NCOA6: variants seen among roughly 807,000 people sequenced by gnomAD.
NCOA6 encodes the protein NRC RAP250.
A neutral mutation model predicts 171.4 loss-of-function variants in NCOA6; 49 were observed. That is an observed-to-expected ratio of 0.29 (90% CI 0.23 to 0.36). NCOA6 has a LOEUF of 0.36. Among genes scored for constraint, NCOA6 ranks in the 10% least tolerant of loss-of-function variants. The probability of loss-of-function intolerance (pLI) is 1.00; values close to 1 mark genes in which losing one functional copy is unlikely to be tolerated. For synonymous variants in NCOA6, 910 were observed against 927.5 expected (o/e 0.98, Z 0.34); for missense variants, 2,248 against 2,554.5 (o/e 0.88, Z 2.59).
intron 10 of NCOA6, 145 bp downstream of exon 10, chr20:34,746,662 G>T: frequency 1.0e-6 from 1 of 963,906 alleles, no homozygotes; most frequent in Non-Finnish European, 1.4e-6. Flanking sequence ...TCAAGGCAAA[G>T]CTTCCAAATA....
At chr20:34,816,971 A>C (rs1259890853) in intron 1 of NCOA6, among the ~76,000 whole-genome samples, 2 of 151,014 alleles carry the variant, frequency 1.3e-5, no homozygotes, top group Non-Finnish European at 2.9e-5. Context: ...AACTACAAAA[A>C]AATTAGCTGG....
At chr20:34,784,574 G>A (rs562028151) in intron 2 of NCOA6, among the ~76,000 whole-genome samples, 32 of 151,872 alleles carry the variant, frequency 2.1e-4, no homozygotes, top group Admixed American at 1.6e-3. Context: ...TGAGGGCAGC[G>A]ATTTAAGACC....
chr20:34,774,110 G>T (rs974336462), intron 4 of NCOA6, among the ~76,000 whole-genome samples: 7 of 152,166 alleles, frequency 4.6e-5, no homozygotes, highest in African/African-American at 1.2e-4. Context: ...ATTGTTTTAG[G>T]AAGTAGGTCT....
rs1454411992 is a variant in NCOA6 at position 34,781,502 on chromosome 20, G to C, written c.235+619C>G. On this transcript the variant is annotated intron_variant, in intron 3 of 14. Coordinates refer to ENST00000359003, the MANE Select transcript of NCOA6 (RefSeq NM_014071.5). ...GCTACTTCGTACCATCTGGGAGAGA[G>C]GGAGAACTCAATGTTATCAGATCTT... 3.3e-5 allele frequency among the ~76,000 whole-genome samples: 5 copies of C among 152,220 alleles called. 1 individual carries two copies. Among genetic ancestry groups the C allele is most frequent in the South Asian group, 4.1e-4 (2 of 4,836 alleles).
chr20:34,778,415 T>C (rs1337904415), intron 3 of NCOA6, among the ~76,000 whole-genome samples: 1 of 151,584 alleles, frequency 6.6e-6, no homozygotes, highest in East Asian at 2.0e-4. Flanking sequence ...TGTTATTCAA[T>C]GGTTAGAGAC....
rs1331625361 is a variant in NCOA6, at chr20:34,798,551, T to C, written c.-163-5988A>G. Among the ~76,000 whole-genome samples, 6 of 152,176 alleles carry C rather than the reference T, an allele frequency of 3.9e-5. No homozygotes were observed. The East Asian group carries it at 5.8e-4, about 15-fold the overall frequency. The stretch of plus-strand genomic sequence containing the variant: ...TGTGCTGGCTTTAGGTCTGACCCAG[T>C]GTAGTTTCAGTGGTGGGGTGGCCAC... On this transcript the variant is annotated intron_variant, in intron 1 of 14. Coordinates refer to ENST00000359003, the MANE Select transcript of NCOA6 (RefSeq NM_014071.5).
intron 14 of NCOA6, among the ~76,000 whole-genome samples, chr20:34,720,304 T>A (rs888485835): frequency 1.3e-5 from 2 of 152,206 alleles, no homozygotes; most frequent in Non-Finnish European, 2.9e-5. Context: ...GGTGCAATTT[T>A]AAAAAGTGAT....
chr20:34,746,958 A>G (rs750251075), intron 9 of NCOA6, 30 bp from the exon 10 acceptor site: 7 of 1,471,836 alleles, frequency 4.8e-6, no homozygotes, highest in East Asian at 4.7e-5. Flanking sequence ...AAAAAGTGAC[A>G]TATTTTAGAA....
At chr20:34,778,243 G>C (rs2077400791) in intron 3 of NCOA6, among the ~76,000 whole-genome samples, 1 of 152,126 alleles carries the variant, frequency 6.6e-6, no homozygotes, top group African/African-American at 2.4e-5. Flanking sequence ...AGGATATCCT[G>C]CCACATGAAT....
Position 34,743,343 on chromosome 20 carries a change from T to TA in NCOA6, c.2915-3dup. On this transcript the variant is annotated splice_polypyrimidine_tract_variant and splice_region_variant and intron_variant, in intron 10 of 14. Transcript: ENST00000359003. ...GTTCAACTGGTTGAGAAGGATAACC[T>TA]AAAACAAGCCCCCCAAATTAGGGAA... The TA allele has an allele frequency of 6.3e-7, 1 of 1,588,628 alleles. No individual in the cohort carries two copies. Among genetic ancestry groups the TA allele is most frequent in the Non-Finnish European group, 8.6e-7 (1 of 1,164,434 alleles).
Position 34,749,499 on chromosome 20 carries a change from T to C in NCOA6, c.2696A>G (p.His899Arg). 1 of 1,614,228 alleles carries C rather than the reference T, an allele frequency of 6.2e-7. No individual in the cohort carries two copies. The highest frequency in any genetic ancestry group is 8.5e-7 in the Non-Finnish European group (1 of 1,180,034). ...ATTTTGCTTATTGTTTACCCCAAAA[T>C]GGCCTGCAGATATGTCACTCTGCAA... is the stretch of plus-strand genomic sequence containing the variant. Reference protein sequence around the residue: ...NLLQSDISAGHFGVNNKQNNT... With the variant: ...NLLQSDISAGRFGVNNKQNNT... The change falls in exon 9 of 15, where the codon CAT becomes CGT. Residue 899 changes from histidine (H) to arginine (R), a missense_variant. Transcript: ENST00000359003.
rs1200280403 is a variant in NCOA6 at position 34,802,358 on chromosome 20, T to G, written c.-163-9795A>C. Among the ~76,000 whole-genome samples, 4 of 152,288 alleles carry G rather than the reference T, an allele frequency of 2.6e-5. No individual in the cohort carries two copies. The East Asian group carries it at 7.7e-4, about 29-fold the overall frequency. On this transcript the variant is annotated intron_variant, in intron 1 of 14. Coordinates refer to ENST00000359003, the MANE Select transcript of NCOA6 (RefSeq NM_014071.5). The stretch of plus-strand genomic sequence containing the variant: ...AGCTCACACCTGTAATCCCAGCACT[T>G]TGGGAGGCCGAGGCAGTCGGATCAC...
At chr20:34,819,852 A>G (rs557864740) in intron 1 of NCOA6, 1 of 152,308 alleles carries the variant, frequency 6.6e-6, no homozygotes, top group East Asian at 1.9e-4. Context: ...CTGAGGCGCA[A>G]TGAGGTTTTA....
intron 14 of NCOA6, among the ~76,000 whole-genome samples, chr20:34,721,793 C>T (rs1307076837): frequency 6.6e-6 from 1 of 152,028 alleles, no homozygotes; most frequent in East Asian, 1.9e-4. Context: ...TAGTGGCTCA[C>T]GCCTGTAATC....
rs748647591 is a variant in NCOA6 at position 34,741,545 on chromosome 20, C to T, written c.4711G>A (p.Val1571Ile). The change falls in exon 11 of 15, where the codon GTT (valine) becomes ATT (isoleucine). Residue 1571 changes from valine to isoleucine, a missense_variant. Physicochemically the swap from Val to Ile is conservative, Grantham distance 29. Transcript: ENST00000359003. Reference protein sequence around the residue: ...HPELSEVSSNVAPSIPPVMSR... With the variant: ...HPELSEVSSNIAPSIPPVMSR... The stretch of plus-strand genomic sequence containing the variant: ...ATTACTGGAGGGATGCTTGGTGCAA[C>T]GTTAGAACTGACCTCACTCAATTCG... The T allele has an allele frequency of 6.2e-6, 10 of 1,613,978 alleles. No individual in the cohort carries two copies. The highest frequency in any genetic ancestry group is 3.3e-5 in the South Asian group (3 of 91,086).
At chr20:34,771,884 G>A (rs2077162284) in intron 4 of NCOA6, among the ~76,000 whole-genome samples, 1 of 152,176 alleles carries the variant, frequency 6.6e-6, no homozygotes, top group Non-Finnish European at 1.5e-5. Context: ...TGTTATTTCT[G>A]CAGAGCACAT....
At chr20:34,777,563 C>T (rs2077369357) in intron 3 of NCOA6, among the ~76,000 whole-genome samples, 1 of 151,892 alleles carries the variant, frequency 6.6e-6, no homozygotes, top group Non-Finnish European at 1.5e-5. Context: ...TGCTGTGAGC[C>T]CAGAATGCAC....
chr20:34,782,271 C>A lies in NCOA6; in HGVS notation c.85G>T (p.Asp29Tyr). The change falls in exon 3 of 15, where the codon GAC (aspartate) becomes TAC (tyrosine). Residue 29 changes from aspartate (D) to tyrosine (Y), a missense_variant. Coordinates refer to ENST00000359003, the MANE Select transcript of NCOA6 (RefSeq NM_014071.5). ...STMEDSEMDF[D>Y]SGLEDDDTKS... is the part of the protein sequence containing the mutation. Reference sequence around the variant, plus strand: ...GTGTCATCATCTTCTAGTCCAGAGTCAAAATCCATCTCTGAGTCTTCCATT... The same window carrying A: ...GTGTCATCATCTTCTAGTCCAGAGTAAAAATCCATCTCTGAGTCTTCCATT... 3 of 1,612,782 alleles carry A rather than the reference C, an allele frequency of 1.9e-6. No homozygotes were observed. The South Asian group carries it at 3.3e-5, about 18-fold the overall frequency.
intron 8 of NCOA6, among the ~76,000 whole-genome samples, chr20:34,750,908 G>A (rs1473252919): frequency 6.6e-6 from 1 of 152,182 alleles, no homozygotes; most frequent in Non-Finnish European, 1.5e-5. Context: ...CAGCACTTTG[G>A]GAGGCTGAGG....
Sources: gnomAD v4.1 joint callset for allele counts (sites outside exome capture counted in the v4.1 genomes callset) on GRCh38, gnomAD v4.1.1 for gene constraint, MANE v1.5 for transcripts, NCBI Gene and HGNC (gene_info 2026-07-23, HGNC 2026-07-21) for gene names.